Variants in SLC25A53 observed in about 807,000 individuals in gnomAD.
The protein encoded by SLC25A53 is solute carrier family 25 member 53, also known as mitochondrial carrier triple repeat protein 6.
SLC25A53 carries 5 observed loss-of-function variants against 15.0 expected under a neutral mutation model. The observed-to-expected ratio is 0.33, with a 90% CI of 0.17 to 0.70. The LOEUF is 0.70. SLC25A53 is among the 30% of genes least tolerant of loss of function. The pLI is 0.67. For missense variants in SLC25A53, 216 were observed against 241.6 expected, an observed-to-expected ratio of 0.89 and a Z score of 0.70; for synonymous variants, 95 against 100.0, an observed-to-expected ratio of 0.95 and a Z score of 0.30.
chrX:104,100,793 C>T lies in SLC25A53; in HGVS notation c.*3541G>A, dbSNP rs2075276896. 1.8e-5 allele frequency: 2 copies of T among 112,198 alleles called. No homozygotes were observed. The highest frequency in any genetic ancestry group is 4.6e-3 in the Middle Eastern group (1 of 217). 9.2% of individuals were successfully genotyped at this position (112,198 alleles called of 1,213,427 possible). On this transcript the variant is annotated 3_prime_UTR_variant, in exon 2 of 2. Transcript: ENST00000594199. ...GAAAATACCCAAACTTTTTGCATTG[C>T]TCTTACACCACGGCAATCAGCACAG...
Position 104,113,970 on chromosome X carries a change from C to T in SLC25A53, c.-31-8682G>A, listed in dbSNP as rs1403461011. On this transcript the variant is annotated intron_variant, in intron 1 of 1. Transcript: ENST00000594199. ...TCCCCACAGCCCACTATCTTATTAA[C>T]CTTTTTTACTTTCCTTAGAATCCCT... The T allele has an allele frequency of 6.9e-6, 7 of 1,015,371 alleles. No individual in the cohort carries two copies. In the East Asian group the frequency reaches 9.9e-5, roughly 14 times the overall value. 83.7% of individuals were successfully genotyped at this position (1,015,371 alleles called of 1,213,427 possible). A position where few individuals can be genotyped will look rare whatever the true frequency, so the allele number is the denominator to read the frequency against.
rs2075288714 is a variant in SLC25A53 at position 104,103,109 on chromosome X, G to T, written c.*1225C>A. 1 of 103,808 alleles carries T rather than the reference G, an allele frequency of 9.6e-6. No individual in the cohort carries two copies. Among genetic ancestry groups the T allele is most frequent in the Non-Finnish European group, 1.9e-5 (1 of 51,282 alleles). 8.6% of individuals were successfully genotyped at this position (103,808 alleles called of 1,213,427 possible). Reference sequence around the variant, plus strand: ...CTGAGATCACACCATTGGCACTCCAGCCTGGGCAACAAGAGCGAAACTCCG... The same window carrying T: ...CTGAGATCACACCATTGGCACTCCATCCTGGGCAACAAGAGCGAAACTCCG... On this transcript the variant is annotated 3_prime_UTR_variant, in exon 2 of 2. Coordinates refer to ENST00000594199, the MANE Select transcript of SLC25A53 (RefSeq NM_001012755.5).
intron 1 of SLC25A53, among the ~76,000 whole-genome samples, chrX:104,110,252 GA>G (rs2075333243): frequency 9.0e-6 from 1 of 111,399 alleles, no homozygotes; most frequent in East Asian, 2.8e-4. Flanking sequence ...CGGGATGGGG[GA>G]GCAGAAGCAA....
At chrX:104,145,643 C>T (rs1222880223) in intron 1 of SLC25A53, among the ~76,000 whole-genome samples, 1 of 112,173 alleles carries the variant, frequency 8.9e-6, no homozygotes. Flanking sequence ...ACCGATCCCA[C>T]AGAACTACAA....
At chrX:104,137,318 T>A (rs1035589153) in intron 1 of SLC25A53, among the ~76,000 whole-genome samples, 1 of 111,206 alleles carries the variant, frequency 9.0e-6, no homozygotes, top group Non-Finnish European at 1.9e-5. Flanking sequence ...GGTAGTAGAA[T>A]CTCCTAGTAG....
chrX:104,153,728 T>C (rs1331003256), intron 1 of SLC25A53, among the ~76,000 whole-genome samples: 2 of 112,521 alleles, frequency 1.8e-5, no homozygotes, highest in Non-Finnish European at 3.8e-5. Context: ...TTTTAAACAA[T>C]TTATGGTATA....
rs143050265 is a variant in SLC25A53, at chrX:104,111,070, T to C, written c.-31-5782A>G. Among the ~76,000 whole-genome samples the C allele has an allele frequency of 2.7e-3, 302 of 112,624 alleles. 1 individual carries two copies. Among genetic ancestry groups the C allele is most frequent in the African/African-American group, 9.1e-3 (282 of 30,939 alleles). Reference sequence around the variant, plus strand: ...CTGGAGTTACATTTCATGACAGATATGCCATGGACAGATACACTGATGGCA... The same window carrying C: ...CTGGAGTTACATTTCATGACAGATACGCCATGGACAGATACACTGATGGCA... On this transcript the variant is annotated intron_variant, in intron 1 of 1. Coordinates refer to ENST00000594199, the MANE Select transcript of SLC25A53 (RefSeq NM_001012755.5).
intron 1 of SLC25A53, among the ~76,000 whole-genome samples, chrX:104,111,279 C>G (rs781892253): frequency 7.0e-4 from 78 of 111,836 alleles, no homozygotes; most frequent in African/African-American, 2.4e-3. Flanking sequence ...TTATAACAAG[C>G]TCTCCAAAAT....
chrX:104,106,237 G>C (rs190827657), intron 1 of SLC25A53, among the ~76,000 whole-genome samples: 32 of 111,254 alleles, frequency 2.9e-4, no homozygotes, highest in African/African-American at 1.0e-3. Context: ...AGAAAGGCCA[G>C]GAAGCAGATG....
At position 104,110,278 on chromosome X, in the gene SLC25A53, C is replaced by T. The variant is rs1395418168; in HGVS notation, c.-31-4990G>A. On this transcript the variant is annotated intron_variant, in intron 1 of 1. Coordinates refer to ENST00000594199, the MANE Select transcript of SLC25A53 (RefSeq NM_001012755.5). ...AGCAGAAGCAAAAGTCTGAAGGAAACCTAAGAGCAACTGCCAGCATCACCC... is the reference window on the plus strand; with the variant it reads ...AGCAGAAGCAAAAGTCTGAAGGAAATCTAAGAGCAACTGCCAGCATCACCC... Among the ~76,000 whole-genome samples the T allele has an allele frequency of 2.7e-5, 3 of 111,551 alleles. No individual in the cohort carries two copies. The Admixed American group carries it at 2.9e-4, about 11-fold the overall frequency.
rs61745266 is a variant in SLC25A53, at chrX:104,114,848, T to C, written c.-31-9560A>G. 8.9e-5 allele frequency: 108 copies of C among 1,207,776 alleles called. No homozygotes were observed. In the African/African-American group the frequency reaches 1.7e-3, roughly 19 times the overall value. On this transcript the variant is annotated intron_variant, in intron 1 of 1. Coordinates refer to ENST00000594199, the MANE Select transcript of SLC25A53 (RefSeq NM_001012755.5). ...ATAATGGAGAGGGCAGCCAGCCCTG[T>C]GGCATTTCAGGGCGCCCAGCCAATA...
intron 1 of SLC25A53, among the ~76,000 whole-genome samples, chrX:104,121,860 A>ACAT (rs1215981583): frequency 1.5e-5 from 1 of 68,228 alleles, no homozygotes; most frequent in Non-Finnish European, 2.7e-5. Flanking sequence ...ACTAGACATC[A>ACAT]CATCAAATGG....
chrX:104,150,524 A>AT (rs1186795922), intron 1 of SLC25A53, among the ~76,000 whole-genome samples: 9 of 111,947 alleles, frequency 8.0e-5, no homozygotes, highest in Non-Finnish European at 1.7e-4. Context: ...ACAGTGACCA[A>AT]TAAAAAAGCA....
intron 1 of SLC25A53, among the ~76,000 whole-genome samples, chrX:104,123,177 C>T (rs1556363284): frequency 8.9e-6 from 1 of 112,702 alleles, no homozygotes; most frequent in East Asian, 2.8e-4. Flanking sequence ...AGACTCTTCA[C>T]AGAGAATTTC....
At chrX:104,122,107 C>G (rs1452383413) in intron 1 of SLC25A53, among the ~76,000 whole-genome samples, 4 of 103,667 alleles carry the variant, frequency 3.9e-5, no homozygotes, top group African/African-American at 7.0e-5. Flanking sequence ...TTCTATCCCC[C>G]CTTTTTGTTC....
intron 1 of SLC25A53, among the ~76,000 whole-genome samples, chrX:104,154,403 CAT>C (rs1279698534): frequency 8.9e-6 from 1 of 112,131 alleles, no homozygotes; most frequent in Non-Finnish European, 1.9e-5. Flanking sequence ...TTAGTACAGC[CAT>C]TATGGAAAAC....
intron 1 of SLC25A53, among the ~76,000 whole-genome samples, chrX:104,119,877 T>C (rs979101295): frequency 1.6e-4 from 18 of 112,053 alleles, no homozygotes; most frequent in African/African-American, 5.8e-4. Context: ...ATGACAGTTT[T>C]AGCTGTTGCT....
At chrX:104,107,487 A>G (rs2075317712) in intron 1 of SLC25A53, among the ~76,000 whole-genome samples, 1 of 112,271 alleles carries the variant, frequency 8.9e-6, no homozygotes, top group African/African-American at 3.2e-5. Context: ...TCCAGAGCCA[A>G]AGGGGACTCC....
chrX:104,137,913 A>C (rs951009670), intron 1 of SLC25A53, among the ~76,000 whole-genome samples: 1 of 112,581 alleles, frequency 8.9e-6, no homozygotes, highest in Non-Finnish European at 1.9e-5. Context: ...GACCAAAAAA[A>C]ACAAAACACT....
Sources: allele counts gnomAD v4.1 joint callset (sites outside exome capture counted in the v4.1 genomes callset), GRCh38; gene constraint gnomAD v4.1.1; transcripts MANE v1.5; gene names NCBI Gene and HGNC (gene_info 2026-07-23, HGNC 2026-07-21).